Variants in SGSH observed in about 807,000 individuals in gnomAD.
SGSH encodes the protein N-sulfoglucosamine sulfohydrolase.
Under a neutral mutation model 51.0 loss-of-function variants are expected in SGSH, and 48 were observed. The observed-to-expected ratio is 0.94, with a 90% confidence interval of 0.75 to 1.20. The LOEUF (loss-of-function observed/expected upper bound fraction) is 1.20. Among genes scored for constraint, SGSH ranks in the 50% most tolerant of loss-of-function variants. The pLI is 0.00. For synonymous variants in SGSH, 321 were observed against 313.4 expected (o/e 1.02, Z -0.26); for missense variants, 662 against 717.8 (o/e 0.92, Z 0.89).
In SGSH at chr17:80,214,713, A is replaced by G; in HGVS notation, c.408T>C (p.Phe136=). The G allele has an allele frequency of 1.9e-6, 3 of 1,613,142 alleles. No homozygotes were observed. The highest frequency in any genetic ancestry group is 2.5e-6 in the Non-Finnish European group (3 of 1,179,944). Residue 136 remains phenylalanine (F), a synonymous_variant, in exon 4 of 8, where the codon TTT becomes TTC. Coordinates refer to ENST00000326317, the MANE Select transcript of SGSH (RefSeq NM_000199.5). ...CGGAGCCATTCTCCTCCGTGTACGC[A>G]AAGTCAAACGGGTACACGGTCTCCG... The part of the protein sequence containing the change: ...VGPETVYPFD[F]AYTEENGSVL...
At chr17:80,203,617 C>T (rs1388264568), downstream of SGSH, 4 of 519,054 alleles carry the variant, frequency 7.7e-6, no homozygotes, top group African/African-American at 7.9e-5. The surrounding 1 kb of genome is among the most constrained non-coding windows in gnomAD (Gnocchi z 4.6). Flanking sequence ...TGGGCCGAGG[C>T]CCTGGAGTCT....
chr17:80,206,299 A>AAAAAAAATATTTCAACT (rs1392916751), downstream of SGSH, among the ~76,000 whole-genome samples: 3 of 151,612 alleles, frequency 2.0e-5, no homozygotes, highest in Admixed American at 1.3e-4. Context: ...ACCCGTCTCT[A>AAAAAAAATATTTCAACT]AAAAAAATTA....
Position 80,210,567 on chromosome 17 carries a change from C to T in SGSH, c.1394G>A (p.Arg465Gln), listed in dbSNP as rs1294240905. Residue 465 changes from arginine (R) to glutamine (Q), a missense_variant, in exon 8 of 8, where the codon CGG (arginine) becomes CAG (glutamine). Physicochemically the swap from Arg to Gln is conservative, Grantham distance 43. Transcript: ENST00000326317. Reference sequence around the variant, plus strand: ...CCACTGCCACTTGGCCAGCTGGTCCCGAAGCATCTCCAGAAGCTGAGCAAA... The same window carrying T: ...CCACTGCCACTTGGCCAGCTGGTCCTGAAGCATCTCCAGAAGCTGAGCAAA... ...PRFAQLLEML[R>Q]DQLAKWQWET... is the part of the protein sequence containing the mutation. The T allele has an allele frequency of 1.6e-5, 25 of 1,612,852 alleles. No individual in the cohort carries two copies. Among genetic ancestry groups the T allele is most frequent in the Middle Eastern group, 3.3e-4 (2 of 6,084 alleles).
At position 80,214,679 on chromosome 17, in the gene SGSH, C is replaced by T; in HGVS notation, c.442G>A (p.Val148Met). 3.7e-6 allele frequency: 6 copies of T among 1,613,462 alleles called. No homozygotes were observed. Among genetic ancestry groups the T allele is most frequent in the Non-Finnish European group, 5.1e-6 (6 of 1,180,016 alleles). Residue 148 changes from valine (V) to methionine (M), a missense_variant, in exon 4 of 8, where the codon GTG becomes ATG. Val to Met is a conservative substitution (Grantham distance 21). Coordinates refer to ENST00000326317, the MANE Select transcript of SGSH (RefSeq NM_000199.5). ...YTEENGSVLQ[V>M]GRNITRIKLL... ...TTAATTCTAGTGATGTTCCGCCCCA[C>T]CTGGAGGACGGAGCCATTCTCCTCC...
Position 80,209,958 on chromosome 17 carries a change from C to A in SGSH, c.*494G>T. On this transcript the variant is annotated 3_prime_UTR_variant, in exon 8 of 8. Transcript: ENST00000326317. ...TGGTAAGAGCCAGGCGCCGTGCTCC[C>A]AGGTGAGTGTCGGTGGGACCTGCGT... The A allele has an allele frequency of 1.0e-6, 1 of 1,004,172 alleles. No homozygotes were observed. Among genetic ancestry groups the A allele is most frequent in the Non-Finnish European group, 1.2e-6 (1 of 839,442 alleles). 62.2% of individuals were successfully genotyped at this position (1,004,172 alleles called of 1,614,324 possible).
downstream of SGSH, chr17:80,201,952 C>A: frequency 6.7e-7 from 1 of 1,493,782 alleles, no homozygotes; most frequent in Non-Finnish European, 9.0e-7. The surrounding 1 kb of genome is among the most constrained non-coding windows in gnomAD (Gnocchi z 5.0). Flanking sequence ...CTTCTGCACG[C>A]CCAGCAGCCA....
chr17:80,206,945 C>T, downstream of SGSH: 1 of 1,562,720 alleles, frequency 6.4e-7, no homozygotes, highest in Middle Eastern at 1.7e-4. Flanking sequence ...GATCTTGACT[C>T]ACTTCTTCTC....
chr17:80,202,433 C>T (rs759246881), downstream of SGSH: 48 of 1,607,234 alleles, frequency 3.0e-5, no homozygotes, highest in African/African-American at 5.1e-4. Flanking sequence ...GAGCAGCTGC[C>T]TCGAGCTCGG....
downstream of SGSH, chr17:80,207,089 G>A (rs1256874588): frequency 3.7e-6 from 6 of 1,606,508 alleles, no homozygotes; most frequent in South Asian, 2.2e-5. Flanking sequence ...AGCTCAAGTA[G>A]GTGCACGCTG....
chr17:80,218,578 C>T (rs2041982805), intron 1 of SGSH, among the ~76,000 whole-genome samples: 1 of 152,200 alleles, frequency 6.6e-6, no homozygotes, highest in Non-Finnish European at 1.5e-5. Flanking sequence ...CATCCTCCAC[C>T]CCACAGTACC....
At position 80,210,825 on chromosome 17, in the gene SGSH, AC is replaced by A. The variant is rs777956287; in HGVS notation, c.1135del (p.Val379CysfsTer34). On this transcript the variant is annotated frameshift_variant, in exon 8 of 8. Transcript: ENST00000326317. LOFTEE classifies it high-confidence loss of function. Reference sequence around the variant, plus strand: ...CACGAGGCGGAAGTGCCGGTGCTGCACGGAGCGCATGGGGTAGGACATGGTG... The same window carrying A: ...CACGAGGCGGAAGTGCCGGTGCTGCAGGAGCGCATGGGGTAGGACATGGTG... Reference protein sequence around the residue: ...EVTMSYPMRSVQHRHFRLVHN... With the variant: ...EVTMSYPMRSXQHRHFRLVHN... The A allele has an allele frequency of 7.4e-6, 12 of 1,613,900 alleles. No individual in the cohort carries two copies. Among genetic ancestry groups the A allele is most frequent in the Non-Finnish European group, 9.3e-6 (11 of 1,180,024 alleles).
At chr17:80,205,029 C>T (rs1039169586), downstream of SGSH, 13 of 1,573,146 alleles carry the variant, frequency 8.3e-6, no homozygotes, top group Non-Finnish European at 1.1e-5. Flanking sequence ...ATCCTCTCCT[C>T]CACAGGCTCC....
rs910919579 is a variant in SGSH, at chr17:80,212,991, C to G, written c.746-717G>C. 6.5e-6 allele frequency: 1 copy of G among 154,894 alleles called. No homozygotes were observed. The highest frequency in any genetic ancestry group is 1.4e-5 in the Non-Finnish European group (1 of 69,868). 9.6% of individuals were successfully genotyped at this position (154,894 alleles called of 1,614,324 possible). On this transcript the variant is annotated intron_variant, in intron 6 of 7. Coordinates refer to ENST00000326317, the MANE Select transcript of SGSH (RefSeq NM_000199.5). The surrounding 1 kb of genome is among the most constrained non-coding windows in gnomAD (Gnocchi z 5.9). ...GGATCACGAGGTCAGGAGTTCAAGA[C>G]CAGCCTGGCCAATGTGGTGAAACCC... is the stretch of plus-strand genomic sequence containing the variant.
downstream of SGSH, chr17:80,205,356 A>G (rs185423710): frequency 1.0e-3 from 1,164 of 1,152,800 alleles, 6 homozygotes; most frequent in African/African-American, 0.015. Context: ...ATAGTTCAGG[A>G]TGGAGGTGCA....
chr17:80,218,316 C>T (rs2041968685), intron 1 of SGSH, among the ~76,000 whole-genome samples: 2 of 152,258 alleles, frequency 1.3e-5, no homozygotes, highest in Non-Finnish European at 2.9e-5. Context: ...TCATCCTACA[C>T]AAAGCAGCTG....
downstream of SGSH, chr17:80,204,679 C>G (rs2041183201): frequency 2.6e-6 from 1 of 381,736 alleles, no homozygotes; most frequent in Middle Eastern, 6.8e-4. Context: ...GGGCTAGGAC[C>G]CTGTGCCCTG....
chr17:80,217,058 C>T lies in SGSH; in HGVS notation c.223G>A (p.Ala75Thr), dbSNP rs137953179. 21 of 1,588,444 alleles carry T rather than the reference C, an allele frequency of 1.3e-5. No homozygotes were observed. The highest frequency in any genetic ancestry group is 1.3e-4 in the Admixed American group (7 of 55,976). The stretch of plus-strand genomic sequence containing the variant: ...TGGGGCAGGCCAGTGAGGAGGCTGG[C>T]GCGGCTGGGAGAGCAGCTGCTGACC... ...TSVSSCSPSR[A>T]SLLTGLPQHQ... Residue 75 changes from alanine (A) to threonine (T), a missense_variant, in exon 2 of 8, where the codon GCC (alanine) becomes ACC (threonine). Transcript: ENST00000326317.
Position 80,214,319 on chromosome 17 carries a change from G to A in SGSH, c.516C>T (p.Phe172=), listed in dbSNP as rs758123603. 1 of 1,612,902 alleles carries A rather than the reference G, an allele frequency of 6.2e-7. No individual in the cohort carries two copies. The highest frequency in any genetic ancestry group is 8.5e-7 in the Non-Finnish European group (1 of 1,179,966). Residue 172 remains phenylalanine (F), a synonymous_variant, in exon 5 of 8, where the codon TTC becomes TTT. Transcript: ENST00000326317. ...GGGGGTCGTGGAAGGCGACGTAGAG[G>A]AAGAAAGGCCTGCACGGGAGGAGGC... ...FLQTQDDRPF[F]LYVAFHDPHR... is the part of the protein sequence containing the mutation.
At chr17:80,209,137 G>C (rs2041516755), downstream of SGSH, 1 of 203,834 alleles carries the variant, frequency 4.9e-6, no homozygotes, top group African/African-American at 2.4e-5. Context: ...TCCACCTTCA[G>C]GGCTCGGGGA....
Sources: allele counts gnomAD v4.1 joint callset (sites outside exome capture counted in the v4.1 genomes callset), GRCh38; gene constraint gnomAD v4.1.1; non-coding constraint Gnocchi (gnomAD v3.1); transcripts MANE v1.5; gene names NCBI Gene and HGNC (gene_info 2026-07-23, HGNC 2026-07-21).